ABR: variants seen among roughly 807,000 people sequenced by gnomAD.
The protein encoded by ABR is active breakpoint cluster region-related protein.
In ABR, 35 loss-of-function variants were observed where a neutral mutation model predicts 107.2. That is an observed-to-expected ratio of 0.33 (90% CI 0.25 to 0.43). ABR has a LOEUF of 0.43. ABR is among the 20% of genes least tolerant of loss of function. The pLI, the probability that ABR is intolerant of heterozygous loss-of-function variation, is 1.00. For missense variants in ABR, 815 were observed against 1,115.2 expected, an observed-to-expected ratio of 0.73 and a Z score of 3.83; for synonymous variants, 498 against 462.0, an observed-to-expected ratio of 1.08 and a Z score of -1.00.
At chr17:1,197,484 C>A (rs1459831088) in intron 1 of ABR, among the ~76,000 whole-genome samples, 1 of 151,620 alleles carries the variant, frequency 6.6e-6, no homozygotes, top group Non-Finnish European at 1.5e-5. Context: ...GGATCTTAGC[C>A]ACAGCTCTGA....
At chr17:1,166,284 G>A (rs1652964189) in intron 1 of ABR, among the ~76,000 whole-genome samples, 2 of 152,098 alleles carry the variant, frequency 1.3e-5, no homozygotes, top group African/African-American at 2.4e-5. Context: ...GCCCCATGCA[G>A]GGCTTCTCTC....
At chr17:1,073,748 C>T in intron 6 of ABR, 71 bp from the exon 7 acceptor site, 1 of 1,386,660 alleles carries the variant, frequency 7.2e-7, no homozygotes, top group Non-Finnish European at 9.9e-7. Flanking sequence ...CAGAGACCAG[C>T]TTCGTCCCCC....
chr17:1,160,875 C>T lies in ABR; in HGVS notation c.61+18792G>A, dbSNP rs577897033. 8.5e-5 allele frequency among the ~76,000 whole-genome samples: 13 copies of T among 152,352 alleles called. 1 individual carries two copies. Among genetic ancestry groups the T allele is most frequent in the African/African-American group, 2.9e-4 (12 of 41,586 alleles). On this transcript the variant is annotated intron_variant, in intron 1 of 22. Coordinates refer to ENST00000302538, the MANE Select transcript of ABR (RefSeq NM_021962.5). ...CTCCACAAAGGGAACTTCAGCGATA[C>T]GGAAATCTCCCAAGGTGGGACGCCC...
chr17:1,013,037 T>C, intron 17 of ABR, 68 bp downstream of exon 17: 1 of 1,578,474 alleles, frequency 6.3e-7, no homozygotes. Context: ...AGGGCCGGGC[T>C]GCCCACCTGC....
chr17:1,059,316 T>C (rs534463304), intron 10 of ABR, among the ~76,000 whole-genome samples: 1 of 152,288 alleles, frequency 6.6e-6, no homozygotes, highest in East Asian at 1.9e-4. Flanking sequence ...TGGCCACACT[T>C]TCTTTCCATT....
At chr17:1,203,572 C>A (rs2042728720) in intron 1 of ABR, among the ~76,000 whole-genome samples, 1 of 152,092 alleles carries the variant, frequency 6.6e-6, no homozygotes. Flanking sequence ...GCTGCCTAGT[C>A]CTCCAGGCGC....
chr17:1,193,640 G>T (rs2042484929), intron 1 of ABR, among the ~76,000 whole-genome samples: 1 of 152,146 alleles, frequency 6.6e-6, no homozygotes, highest in South Asian at 2.1e-4. Flanking sequence ...AGGGAGTACT[G>T]GCAACTGACG....
intron 16 of ABR, among the ~76,000 whole-genome samples, chr17:1,020,257 AT>A (rs2071516690): frequency 1.3e-5 from 2 of 151,988 alleles, no homozygotes; most frequent in Non-Finnish European, 2.9e-5. Context: ...TAATTTTTGT[AT>A]TTTTAGTAGA....
chr17:1,068,630 C>T (rs867510597), intron 9 of ABR, among the ~76,000 whole-genome samples: 1 of 152,210 alleles, frequency 6.6e-6, no homozygotes, highest in African/African-American at 2.4e-5. Context: ...CAGAATGAGC[C>T]TCTGCTCAAG....
At chr17:1,127,957 C>T (rs1369754552) in intron 1 of ABR, among the ~76,000 whole-genome samples, 1 of 152,196 alleles carries the variant, frequency 6.6e-6, no homozygotes, top group Admixed American at 6.5e-5. Context: ...CCGAAGATCA[C>T]AGGATCAGAA....
At position 1,150,179 on chromosome 17, in the gene ABR, G is replaced by A. The variant is rs924383750; in HGVS notation, c.62-24812C>T. Among the ~76,000 whole-genome samples, 6 of 151,786 alleles carry A rather than the reference G, an allele frequency of 4.0e-5. No individual in the cohort carries two copies. The highest frequency in any genetic ancestry group is 7.3e-5 in the African/African-American group (3 of 41,320). On this transcript the variant is annotated intron_variant, in intron 1 of 22. Coordinates refer to ENST00000302538, the MANE Select transcript of ABR (RefSeq NM_021962.5). The surrounding 1 kb of genome is among the most constrained non-coding windows in gnomAD (Gnocchi z 4.8). ...TTCTCAAAGCGCTGAGATTACAGAC[G>A]TGAGCCACCGCGCCCGGCCTGTGTC...
chr17:1,107,710 C>T (rs923095722), intron 2 of ABR, among the ~76,000 whole-genome samples: 1 of 152,206 alleles, frequency 6.6e-6, no homozygotes, highest in Non-Finnish European at 1.5e-5. Flanking sequence ...AGTGCAGAGG[C>T]CTCCCTGAGC....
intron 1 of ABR, chr17:1,178,070 G>A (rs1567863602): frequency 1.3e-5 from 2 of 152,438 alleles, no homozygotes; most frequent in Admixed American, 1.3e-4. Flanking sequence ...CTGGGGGGAG[G>A]AGAGGAAGGA....
intron 1 of ABR, among the ~76,000 whole-genome samples, chr17:1,185,654 TAAAA>T (rs775804045): frequency 2.8e-4 from 11 of 39,346 alleles, no homozygotes; most frequent in African/African-American, 7.7e-4. Flanking sequence ...CAGAAAGAAA[TAAAA>T]AAAAAAAAAA....
In ABR at chr17:1,004,627, C is replaced by T. The variant is rs968898980; in HGVS notation, c.*1453G>A. The T allele has an allele frequency of 1.2e-5, 2 of 162,412 alleles. No individual in the cohort carries two copies. Among genetic ancestry groups the T allele is most frequent in the Non-Finnish European group, 2.7e-5 (2 of 75,100 alleles). The allele number at this position is 162,412 out of a possible 1,614,324, so 10.1% of individuals were successfully genotyped here. A position where few individuals can be genotyped will look rare whatever the true frequency, so the allele number is the denominator to read the frequency against. On this transcript the variant is annotated 3_prime_UTR_variant, in exon 23 of 23. Coordinates refer to ENST00000302538, the MANE Select transcript of ABR (RefSeq NM_021962.5). ...GTGGGAAGTGTACGGTGGGAACACACCTCACTCCTTCCTAGTACCGGGCAA... is the reference window on the plus strand; with the variant it reads ...GTGGGAAGTGTACGGTGGGAACACATCTCACTCCTTCCTAGTACCGGGCAA...
rs118124203 is a variant in ABR at position 1,049,207 on chromosome 17, G to C, written c.1791+843C>G. Among the ~76,000 whole-genome samples the C allele has an allele frequency of 3.3e-5, 5 of 152,062 alleles. No homozygotes were observed. In the East Asian group the frequency reaches 9.7e-4, roughly 29 times the overall value. On this transcript the variant is annotated intron_variant, in intron 16 of 22. Transcript: ENST00000302538. The stretch of plus-strand genomic sequence containing the variant: ...TTTATTTTTATTTTTTTGGAGACAC[G>C]GTCTGACTCCATCACCCAGGCGCGA...
At chr17:1,182,479 T>A (rs2042166188), upstream of ABR, among the ~76,000 whole-genome samples, 1 of 152,188 alleles carries the variant, frequency 6.6e-6, no homozygotes, top group Non-Finnish European at 1.5e-5. Context: ...GCCATTCTCT[T>A]GCCTCAGCCT....
At chr17:1,209,951 A>G (rs1309110357) in intron 1 of ABR, among the ~76,000 whole-genome samples, 1 of 152,256 alleles carries the variant, frequency 6.6e-6, no homozygotes, top group Non-Finnish European at 1.5e-5. Flanking sequence ...CAAAGCTGCC[A>G]TCTTAACTCC....
intron 1 of ABR, among the ~76,000 whole-genome samples, chr17:1,178,512 G>A (rs576948947): frequency 4.0e-5 from 6 of 151,334 alleles, no homozygotes; most frequent in Non-Finnish European, 7.4e-5. Context: ...TGCAATGAGC[G>A]GAGATTGCGC....
Sources: gnomAD v4.1 joint callset for allele counts (sites outside exome capture counted in the v4.1 genomes callset) on GRCh38, gnomAD v4.1.1 for gene constraint, Gnocchi (gnomAD v3.1) non-coding constraint, MANE v1.5 for transcripts, NCBI Gene and HGNC (gene_info 2026-07-23, HGNC 2026-07-21) for gene names.